The following MTUS1 variants were observed in gnomAD, a reference collection of about 807,000 sequenced individuals.
The protein encoded by MTUS1 is microtubule associated scaffold protein 1, also known as microtubule-associated tumor suppressor 1.
In MTUS1, 109 loss-of-function variants were observed where a neutral mutation model predicts 120.8. The ratio of observed to expected loss-of-function variants is 0.90; its 90% CI spans 0.77 to 1.06. MTUS1 has a LOEUF of 1.06. MTUS1 is among the 50% of genes least tolerant of loss of function. MTUS1 has a pLI of 0.00. For missense variants in MTUS1, 2,210 were observed against 1,486.3 expected (o/e 1.49, Z -8.01); for synonymous variants, 737 against 550.5 (o/e 1.34, Z -4.74).
chr8:17,777,887 TAC>T (rs200997689), intron 1 of MTUS1, among the ~76,000 whole-genome samples: 5,536 of 152,286 alleles, frequency 0.036, 359 homozygotes, highest in African/African-American at 0.13. Flanking sequence ...AAAACCACAG[TAC>T]AGTGATTCAA....
intron 13 of MTUS1, among the ~76,000 whole-genome samples, chr8:17,648,899 C>G (rs751342248): frequency 6.6e-6 from 1 of 152,228 alleles, no homozygotes; most frequent in Non-Finnish European, 1.5e-5. Flanking sequence ...AGCTGCCTTG[C>G]CAAACTCTGC....
intron 8 of MTUS1, among the ~76,000 whole-genome samples, chr8:17,658,044 C>CACACACACAT (rs1703134901): frequency 2.0e-5 from 3 of 151,156 alleles, no homozygotes; most frequent in African/African-American, 7.3e-5. Context: ...CACACACACA[C>CACACACACAT]ACACACACAC....
At chr8:17,662,878 A>G (rs1346874279) in intron 8 of MTUS1, among the ~76,000 whole-genome samples, 1 of 151,772 alleles carries the variant, frequency 6.6e-6, no homozygotes, top group Non-Finnish European at 1.5e-5. Context: ...GAAAGGAGGA[A>G]GGGAGGGAAG....
chr8:17,686,290 G>A (rs146493168), intron 6 of MTUS1, among the ~76,000 whole-genome samples: 237 of 152,288 alleles, frequency 1.6e-3, no homozygotes, highest in African/African-American at 5.1e-3. Context: ...AGGTGGTGAT[G>A]TAATATATGA....
chr8:17,720,129 G>A (rs771098479), intron 4 of MTUS1, among the ~76,000 whole-genome samples: 3 of 152,156 alleles, frequency 2.0e-5, no homozygotes, highest in Admixed American at 2.0e-4. Context: ...CATATCACTT[G>A]TGGTTAGGAG....
chr8:17,726,244 G>T (rs2046222832), intron 3 of MTUS1, among the ~76,000 whole-genome samples: 1 of 152,166 alleles, frequency 6.6e-6, no homozygotes, highest in Admixed American at 6.5e-5. Flanking sequence ...TGATTAAAAT[G>T]CACCTGGAGT....
chr8:17,713,772 A>G (rs1821791047), intron 5 of MTUS1, among the ~76,000 whole-genome samples: 2 of 152,192 alleles, frequency 1.3e-5, no homozygotes, highest in African/African-American at 4.8e-5. Flanking sequence ...GAAATCTATG[A>G]TGCTTCTACT....
chr8:17,761,040 G>A (rs534975888), intron 1 of MTUS1, among the ~76,000 whole-genome samples: 39 of 152,046 alleles, frequency 2.6e-4, no homozygotes, highest in African/African-American at 9.4e-4. Flanking sequence ...GAACATTTTG[G>A]ACCAGAGAGA....
intron 1 of MTUS1, among the ~76,000 whole-genome samples, chr8:17,769,388 C>T (rs1403290101): frequency 6.7e-6 from 1 of 149,700 alleles, no homozygotes; most frequent in Non-Finnish European, 1.5e-5. Flanking sequence ...CGCTCTGTCG[C>T]CCAGGCTGGA....
chr8:17,746,461 T>G (rs962579325), intron 2 of MTUS1, among the ~76,000 whole-genome samples: 1 of 152,132 alleles, frequency 6.6e-6, no homozygotes, highest in African/African-American at 2.4e-5. Context: ...TAGGGAGGCT[T>G]CACAATCATG....
chr8:17,757,609 C>T (rs1481935825), intron 1 of MTUS1, among the ~76,000 whole-genome samples: 1 of 152,204 alleles, frequency 6.6e-6, no homozygotes, highest in African/African-American at 2.4e-5. Context: ...TCACTGCAAC[C>T]TCCACCTCCC....
In MTUS1 at chr8:17,646,004, G is replaced by A. The variant is rs1395974229; in HGVS notation, c.3735C>T (p.Ser1245=). Residue 1245 remains serine, a synonymous_variant, in exon 15 of 15, where the codon TCC becomes TCT. Transcript: ENST00000693296. ...GCAAAGGGATGGCGGAGGATGTGGG[G>A]GATCTCTTGGGGCTACACAGGTCCC... ...HNGDLCSPKR[S]PTSSAIPLQS... 5 of 1,613,618 alleles carry A rather than the reference G, an allele frequency of 3.1e-6. No individual in the cohort carries two copies. The East Asian group carries it at 1.1e-4, about 36-fold the overall frequency.
chr8:17,762,997 C>CAT (rs2049162596), intron 1 of MTUS1, among the ~76,000 whole-genome samples: 1 of 146,634 alleles, frequency 6.8e-6, no homozygotes, highest in Non-Finnish European at 1.5e-5. Flanking sequence ...CCAATGGTAC[C>CAT]TTTTTTTTTT....
chr8:17,765,678 CCACACACACACACACA>C (rs60406848), intron 1 of MTUS1, among the ~76,000 whole-genome samples: 9 of 130,088 alleles, frequency 6.9e-5, no homozygotes, highest in African/African-American at 1.5e-4. Flanking sequence ...AATACAGACA[CCACACACACACACACA>C]CACACACACA....
intron 6 of MTUS1, chr8:17,705,533 T>C (rs752085929): frequency 1.3e-5 from 2 of 152,212 alleles, no homozygotes; most frequent in Admixed American, 6.5e-5. Context: ...CAACACCAAT[T>C]TGAAACAAAA....
intron 1 of MTUS1, chr8:17,758,104 G>C (rs1412053924): frequency 6.6e-6 from 1 of 152,066 alleles, no homozygotes; most frequent in African/African-American, 2.4e-5. Context: ...CATGAGGGAG[G>C]GAAAAAATGC....
chr8:17,664,387 C>A (rs1810430698), intron 8 of MTUS1, among the ~76,000 whole-genome samples: 1 of 151,996 alleles, frequency 6.6e-6, no homozygotes, highest in South Asian at 2.1e-4. Context: ...TGATTCCATT[C>A]CCAAACTGCA....
At chr8:17,677,012 C>G (rs1401318227) in intron 7 of MTUS1, among the ~76,000 whole-genome samples, 3 of 152,166 alleles carry the variant, frequency 2.0e-5, no homozygotes, top group Non-Finnish European at 2.9e-5. Flanking sequence ...ACGTGGTCAG[C>G]AGGGACTGGG....
chr8:17,743,603 C>A lies in MTUS1; in HGVS notation c.2287+1G>T. ...AAACTATTGAACTATTTTATTCTTA[C>A]CAGAACTGGACACACGCCTGATCCT... On this transcript the variant is annotated splice_donor_variant, in intron 3 of 14. Coordinates refer to ENST00000693296, the MANE Select transcript of MTUS1 (RefSeq NM_001363059.2). LOFTEE classifies it high-confidence loss of function. 2 of 1,612,236 alleles carry A rather than the reference C, an allele frequency of 1.2e-6. No homozygotes were observed. Among genetic ancestry groups the A allele is most frequent in the South Asian group, 2.2e-5 (2 of 90,870 alleles).
Sources: allele counts gnomAD v4.1 joint callset (sites outside exome capture counted in the v4.1 genomes callset), GRCh38; gene constraint gnomAD v4.1.1; transcripts MANE v1.5; gene names NCBI Gene and HGNC (gene_info 2026-07-23, HGNC 2026-07-21).